The following TMED6 variants were observed in gnomAD, a reference collection of about 807,000 sequenced individuals.
TMED6 encodes transmembrane emp24 domain-containing protein 6.
TMED6 carries 17 observed loss-of-function variants against 26.5 expected under a neutral mutation model. The observed-to-expected ratio is 0.64, with a 90% CI of 0.44 to 0.96. The LOEUF (loss-of-function observed/expected upper bound fraction) is 0.96. Among genes scored for constraint, TMED6 ranks in the 40% least tolerant of loss-of-function variants. The pLI, the probability that TMED6 is intolerant of heterozygous loss-of-function variation, is 0.00. For missense variants in TMED6, 309 were observed against 296.5 expected (o/e 1.04, Z -0.31); for synonymous variants, 107 against 106.2 (o/e 1.01, Z -0.04).
In TMED6 at chr16:69,349,507, A is replaced by T; in HGVS notation, c.340+18T>A. The T allele has an allele frequency of 6.2e-7, 1 of 1,611,424 alleles. No homozygotes were observed. The highest frequency in any genetic ancestry group is 8.5e-7 in the Non-Finnish European group (1 of 1,178,354). On this transcript the variant is annotated intron_variant, in intron 2 of 3. Coordinates refer to ENST00000288025, the MANE Select transcript of TMED6 (RefSeq NM_144676.4). ...GGACCCTATGATTATTATAATAGCC[A>T]TGGTAATGAAAACAGACCTGTCTCT...
At chr16:69,350,894 G>C (rs922492795) in intron 1 of TMED6, among the ~76,000 whole-genome samples, 4 of 152,096 alleles carry the variant, frequency 2.6e-5, no homozygotes, top group African/African-American at 9.7e-5. Context: ...AAAGTTAACC[G>C]ATTTCTAAGA....
intron 3 of TMED6, among the ~76,000 whole-genome samples, chr16:69,345,678 CAAAAAAAAAAAAAAA>C (rs34468905): frequency 9.2e-5 from 4 of 43,440 alleles, no homozygotes; most frequent in South Asian, 1.1e-3. Context: ...CTGACTCTCT[CAAAAAAAAAAAAAAA>C]AAAAAAAAAA....
intron 3 of TMED6, 67 bp downstream of exon 3, chr16:69,347,721 T>G (rs2012707201): frequency 1.3e-6 from 2 of 1,592,832 alleles, no homozygotes; most frequent in Non-Finnish European, 1.7e-6. Flanking sequence ...CTAAATGAAG[T>G]CATCTTCCCT....
chr16:69,348,233 C>T (rs1373860998), intron 2 of TMED6: 1 of 234,216 alleles, frequency 4.3e-6, no homozygotes, highest in East Asian at 8.8e-5. Flanking sequence ...GGAACTCCTG[C>T]TCAACAGATT....
Position 69,343,405 on chromosome 16 carries a change from G to C in TMED6, c.*2C>G. ...CAGCCAGGGTGCTATAGTCACCTTA[G>C]CTTAGCATCTTGGCTTCTTTGTATC... is the stretch of plus-strand genomic sequence containing the variant. On this transcript the variant is annotated 3_prime_UTR_variant, in exon 4 of 4. Transcript: ENST00000288025. 6.2e-7 allele frequency: 1 copy of C among 1,613,386 alleles called. No homozygotes were observed. The highest frequency in any genetic ancestry group is 8.5e-7 in the Non-Finnish European group (1 of 1,179,456).
At chr16:69,343,709 G>T in intron 3 of TMED6, 69 bp from the exon 4 acceptor site, 2 of 1,217,858 alleles carry the variant, frequency 1.6e-6, no homozygotes, top group Non-Finnish European at 2.4e-6. Context: ...GCGCTCACTA[G>T]CACTAACCTA....
chr16:69,350,980 A>G (rs1473321014), intron 1 of TMED6, among the ~76,000 whole-genome samples: 1 of 152,176 alleles, frequency 6.6e-6, no homozygotes, highest in African/African-American at 2.4e-5. Flanking sequence ...ATATAAGACC[A>G]TAGTATGGGT....
At chr16:69,348,065 G>C in intron 2 of TMED6, 129 bp from the exon 3 acceptor site, 1 of 999,994 alleles carries the variant, frequency 1.0e-6, no homozygotes, top group Non-Finnish European at 1.5e-6. Flanking sequence ...AAAGTACAAA[G>C]ATCCCGTTTT....
intron 1 of TMED6, among the ~76,000 whole-genome samples, chr16:69,349,870 T>C (rs543797561): frequency 4.7e-4 from 72 of 152,242 alleles, no homozygotes; most frequent in Middle Eastern, 3.4e-3. Flanking sequence ...ACGTCTGCAA[T>C]GTAAGAAACA....
chr16:69,344,141 G>GT (rs1267920459), intron 3 of TMED6, among the ~76,000 whole-genome samples: 1 of 151,836 alleles, frequency 6.6e-6, no homozygotes, highest in Non-Finnish European at 1.5e-5. Flanking sequence ...CTTTTGTTTT[G>GT]TTTTTAAATA....
intron 1 of TMED6, among the ~76,000 whole-genome samples, chr16:69,351,050 AT>A (rs370584133): frequency 6.6e-6 from 1 of 151,904 alleles, no homozygotes; most frequent in African/African-American, 2.4e-5. Flanking sequence ...AAAAAAAAAA[AT>A]AGGATTAACT....
intron 3 of TMED6, among the ~76,000 whole-genome samples, chr16:69,345,678 C>CAAAAAAAAAAAAAAAAAAAAAA (rs34468905): frequency 2.3e-5 from 1 of 43,438 alleles, no homozygotes; most frequent in Non-Finnish European, 4.2e-5. Context: ...CTGACTCTCT[C>CAAAAAAAAAAAAAAAAAAAAAA]AAAAAAAAAA....
In TMED6 at chr16:69,343,484, C is replaced by T. The variant is rs774705483; in HGVS notation, c.646G>A (p.Gly216Arg). The T allele has an allele frequency of 3.7e-6, 6 of 1,614,138 alleles. No individual in the cohort carries two copies. The South Asian group carries it at 6.6e-5, about 18-fold the overall frequency. ...TAQSLVIILS[G>R]ILQLYFLKRL... ...TTCAAGAAATACAGTTGCAGGATCC[C>T]AGAAAGAATAATAACAAGGCTCTGG... Residue 216 changes from glycine (G) to arginine (R), a missense_variant, in exon 4 of 4, where the codon GGG becomes AGG. Transcript: ENST00000288025.
intron 2 of TMED6, among the ~76,000 whole-genome samples, chr16:69,349,145 T>G (rs903596819): frequency 6.6e-6 from 1 of 152,252 alleles, no homozygotes; most frequent in Admixed American, 6.5e-5. Flanking sequence ...CTGAATCTGC[T>G]TTTAGTAACT....
rs573075394 is a variant in TMED6 at position 69,346,036 on chromosome 16, C to T, written c.489+1752G>A. On this transcript the variant is annotated intron_variant, in intron 3 of 3. Coordinates refer to ENST00000288025, the MANE Select transcript of TMED6 (RefSeq NM_144676.4). Reference sequence around the variant, plus strand: ...CTCCAAAGAAGAGAGATGGCCAATACGCACGTGAAAAGATGCTCAACATTA... The same window carrying T: ...CTCCAAAGAAGAGAGATGGCCAATATGCACGTGAAAAGATGCTCAACATTA... 3.9e-5 allele frequency among the ~76,000 whole-genome samples: 6 copies of T among 152,284 alleles called. No homozygotes were observed. In the East Asian group the frequency reaches 9.6e-4, roughly 24 times the overall value.
chr16:69,344,506 C>T (rs535482786), intron 3 of TMED6, among the ~76,000 whole-genome samples: 25 of 152,166 alleles, frequency 1.6e-4, no homozygotes, highest in Non-Finnish European at 2.9e-4. Flanking sequence ...GGTGCAGTGG[C>T]TCATACCTGT....
intron 1 of TMED6, 104 bp from the exon 2 acceptor site, chr16:69,349,755 G>A (rs2012746777): frequency 1.4e-6 from 2 of 1,464,358 alleles, no homozygotes; most frequent in African/African-American, 1.4e-5. Flanking sequence ...AGCGGTCTCT[G>A]TCTGGGGTGG....
chr16:69,345,457 A>T (rs1300770769), intron 3 of TMED6, among the ~76,000 whole-genome samples: 1 of 151,976 alleles, frequency 6.6e-6, no homozygotes. Flanking sequence ...GCTGAGCTGG[A>T]CAGATCACAA....
chr16:69,344,383 T>A (rs2012647240), intron 3 of TMED6, among the ~76,000 whole-genome samples: 1 of 152,138 alleles, frequency 6.6e-6, no homozygotes, highest in Admixed American at 6.5e-5. Flanking sequence ...CCACAGACAA[T>A]ATGTAATTGT....
Sources: gnomAD v4.1 joint callset for allele counts (sites outside exome capture counted in the v4.1 genomes callset) on GRCh38, gnomAD v4.1.1 for gene constraint, MANE v1.5 for transcripts, NCBI Gene and HGNC (gene_info 2026-07-23, HGNC 2026-07-21) for gene names.